The following SPSB1 variants were observed in gnomAD, a reference collection of about 807,000 sequenced individuals.
The protein encoded by SPSB1 is SPRY domain-containing SOCS box protein 1.
Under a neutral mutation model 21.2 loss-of-function variants are expected in SPSB1, and 8 were observed. The ratio of observed to expected loss-of-function variants is 0.38; its 90% CI spans 0.22 to 0.68. SPSB1 has a LOEUF of 0.68. Among genes scored for constraint, SPSB1 ranks in the 30% least tolerant of loss-of-function variants. SPSB1 has a pLI of 0.53. For missense variants in SPSB1, 242 were observed against 377.8 expected, an observed-to-expected ratio of 0.64 and a Z score of 2.98; for synonymous variants, 169 against 161.7, an observed-to-expected ratio of 1.05 and a Z score of -0.34.
intron 1 of SPSB1, among the ~76,000 whole-genome samples, chr1:9,352,467 G>A (rs545762018): frequency 2.6e-5 from 4 of 152,174 alleles, no homozygotes; most frequent in Non-Finnish European, 4.4e-5. Flanking sequence ...TCAGCCACGC[G>A]CGTTTATTTA....
In SPSB1 at chr1:9,349,473, C is replaced by T. The variant is rs564567824; in HGVS notation, c.-149-6270C>T. 3.3e-5 allele frequency among the ~76,000 whole-genome samples: 5 copies of T among 152,348 alleles called. No homozygotes were observed. The East Asian group carries it at 7.7e-4, about 24-fold the overall frequency. On this transcript the variant is annotated intron_variant, in intron 1 of 2. Transcript: ENST00000328089. ...GAGCTCAACCAGAGAGGCCAAGGGA[C>T]GTGGAGCGTGAGAGGCTGAGGCCTT...
rs535797792 is a variant in SPSB1, at chr1:9,346,608, T to C, written c.-149-9135T>C. Among the ~76,000 whole-genome samples the C allele has an allele frequency of 1.8e-4, 28 of 152,354 alleles. No individual in the cohort carries two copies. Among genetic ancestry groups the C allele is most frequent in the South Asian group, 1.0e-3 (5 of 4,826 alleles). ...GGGGTCTGCAGGGTTGTGGCTTTAA[T>C]TGAAACACCATCGGGGGGTTGCCGG... On this transcript the variant is annotated intron_variant, in intron 1 of 2. Transcript: ENST00000328089. The surrounding 1 kb of genome is among the most constrained non-coding windows in gnomAD (Gnocchi z 4.4).
At position 9,336,609 on chromosome 1, in the gene SPSB1, AAG is replaced by A. The variant is rs567205096; in HGVS notation, c.-149-19131_-149-19130del. 3.4e-3 allele frequency among the ~76,000 whole-genome samples: 513 copies of A among 152,272 alleles called. 1 individual carries two copies. Among genetic ancestry groups the A allele is most frequent in the Middle Eastern group, 0.017 (5 of 294 alleles). ...ATCCTCTGCCCGCGTGCGTTCAAGG[AAG>A]AGTCTGGGGCAGAGGCAGGGGCAGG... is the stretch of plus-strand genomic sequence containing the variant. On this transcript the variant is annotated intron_variant, in intron 1 of 2. Transcript: ENST00000328089.
chr1:9,347,296 T>C (rs1640179597), intron 1 of SPSB1, among the ~76,000 whole-genome samples: 1 of 152,260 alleles, frequency 6.6e-6, no homozygotes, highest in Non-Finnish European at 1.5e-5. Flanking sequence ...GTGCAGAACC[T>C]GTAGGAATTG....
At chr1:9,357,386 T>C (rs926320795) in intron 2 of SPSB1, among the ~76,000 whole-genome samples, 1 of 152,168 alleles carries the variant, frequency 6.6e-6, no homozygotes, top group Non-Finnish European at 1.5e-5. Flanking sequence ...AATTAATAAG[T>C]AGGTGGTCTT....
At chr1:9,312,727 G>C (rs950333542) in intron 1 of SPSB1, among the ~76,000 whole-genome samples, 1 of 152,074 alleles carries the variant, frequency 6.6e-6, no homozygotes, top group African/African-American at 2.4e-5. Flanking sequence ...CGTGGTTTTG[G>C]TTTTCTTTGG....
At position 9,293,045 on chromosome 1, in the gene SPSB1, AGCG is replaced by A. The variant is rs1415976165; in HGVS notation, c.-164_-162del. 2 of 978,772 alleles carry A rather than the reference AGCG, an allele frequency of 2.0e-6. No homozygotes were observed. The highest frequency in any genetic ancestry group is 1.2e-6 in the Non-Finnish European group (1 of 826,234). The allele number at this position is 978,772 out of a possible 1,614,324, so 60.6% of individuals were successfully genotyped here. ...CCGAGCCTCCTCGGCCTTGGAGAGC[AGCG>A]GCGGCGGCGGCACCCCGGGCGCGGT... is the stretch of plus-strand genomic sequence containing the variant. On this transcript the variant is annotated 5_prime_UTR_variant, in exon 1 of 3. Transcript: ENST00000328089. The surrounding 1 kb of genome is among the most constrained non-coding windows in gnomAD (Gnocchi z 5.1).
Position 9,369,241 on chromosome 1 carries a change from A to C in SPSB1, c.*1666A>C, listed in dbSNP as rs1640624506. 6.6e-6 allele frequency: 1 copy of C among 151,622 alleles called. No individual in the cohort carries two copies. The highest frequency in any genetic ancestry group is 1.5e-5 in the Non-Finnish European group (1 of 67,892). 9.4% of individuals were successfully genotyped at this position (151,622 alleles called of 1,614,324 possible). On this transcript the variant is annotated 3_prime_UTR_variant, in exon 3 of 3. Transcript: ENST00000328089. ...CGGGGCAGGGGACCTTACCTGTAAG[A>C]CTTTTAAAGATTTTCCTCCCTCCTG...
intron 1 of SPSB1, among the ~76,000 whole-genome samples, chr1:9,310,662 T>C (rs1639501709): frequency 6.6e-6 from 1 of 151,546 alleles, no homozygotes; most frequent in Non-Finnish European, 1.5e-5. Flanking sequence ...ACCACTGCAC[T>C]ACAGCCTGGG....
At chr1:9,357,213 G>GTGAA (rs200739926) in intron 2 of SPSB1, among the ~76,000 whole-genome samples, 1 of 137,374 alleles carries the variant, frequency 7.3e-6, no homozygotes, top group African/African-American at 2.7e-5. Context: ...GGATGGATCA[G>GTGAA]TGAATGAATG....
chr1:9,301,061 G>C (rs1639320016), intron 1 of SPSB1, among the ~76,000 whole-genome samples: 1 of 152,246 alleles, frequency 6.6e-6, no homozygotes, highest in African/African-American at 2.4e-5. Flanking sequence ...AGTGCACCTG[G>C]TTGTGCACCT....
At position 9,321,640 on chromosome 1, in the gene SPSB1, G is replaced by C. The variant is rs1010303257; in HGVS notation, c.-150+28569G>C. On this transcript the variant is annotated intron_variant, in intron 1 of 2. Coordinates refer to ENST00000328089, the MANE Select transcript of SPSB1 (RefSeq NM_025106.4). This position sits in a 1 kb window ranked among gnomAD's most constrained non-coding sequence, Gnocchi z 4.8. ...TCATCACATCTGAGACCCGTCGACC[G>C]TGAGCTTCACCTTTAAATAAAAAAA... is the stretch of plus-strand genomic sequence containing the variant. 6.6e-6 allele frequency among the ~76,000 whole-genome samples: 1 copy of C among 152,026 alleles called. No homozygotes were observed. Among genetic ancestry groups the C allele is most frequent in the Non-Finnish European group, 1.5e-5 (1 of 68,018 alleles).
chr1:9,360,558 G>A (rs1393879866), intron 2 of SPSB1, among the ~76,000 whole-genome samples: 3 of 152,156 alleles, frequency 2.0e-5, no homozygotes, highest in Non-Finnish European at 4.4e-5. Context: ...CTCTGAGGGG[G>A]AGCCCGCCCC....
Position 9,336,810 on chromosome 1 carries a change from G to T in SPSB1, c.-149-18933G>T, listed in dbSNP as rs118161917. Among the ~76,000 whole-genome samples the T allele has an allele frequency of 5.3e-4, 80 of 152,346 alleles. No individual in the cohort carries two copies. The East Asian group carries it at 0.014, about 27-fold the overall frequency. ...ATGAAACTGCACTGCTCCCTGGAAAGAGGGGGACACTAGCCCTCCATCTCC... is the reference window on the plus strand; with the variant it reads ...ATGAAACTGCACTGCTCCCTGGAAATAGGGGGACACTAGCCCTCCATCTCC... On this transcript the variant is annotated intron_variant, in intron 1 of 2. Transcript: ENST00000328089.
In SPSB1 at chr1:9,346,395, A is replaced by G. The variant is rs1309019964; in HGVS notation, c.-149-9348A>G. Among the ~76,000 whole-genome samples the G allele has an allele frequency of 1.3e-5, 2 of 152,076 alleles. No homozygotes were observed. Among genetic ancestry groups the G allele is most frequent in the Non-Finnish European group, 2.9e-5 (2 of 68,022 alleles). On this transcript the variant is annotated intron_variant, in intron 1 of 2. Coordinates refer to ENST00000328089, the MANE Select transcript of SPSB1 (RefSeq NM_025106.4). The surrounding 1 kb of genome is among the most constrained non-coding windows in gnomAD (Gnocchi z 4.4). Reference sequence around the variant, plus strand: ...AGTGTCTGCCACTCGCTGGTGACAGACCCACCTCTGTGCATCCTTTACCTG... The same window carrying G: ...AGTGTCTGCCACTCGCTGGTGACAGGCCCACCTCTGTGCATCCTTTACCTG...
chr1:9,315,275 C>G (rs190618576), intron 1 of SPSB1, among the ~76,000 whole-genome samples: 1 of 152,246 alleles, frequency 6.6e-6, no homozygotes, highest in Non-Finnish European at 1.5e-5. Context: ...CAAAAGACCC[C>G]GTACTGGCTC....
intron 1 of SPSB1, among the ~76,000 whole-genome samples, chr1:9,311,179 A>G (rs1295962890): frequency 7.3e-6 from 1 of 136,598 alleles, no homozygotes; most frequent in East Asian, 2.1e-4. Flanking sequence ...TTTTTTTTTT[A>G]ATGCCTTCAT....
chr1:9,336,806 G>C (rs1208794877), intron 1 of SPSB1, among the ~76,000 whole-genome samples: 1 of 152,182 alleles, frequency 6.6e-6, no homozygotes, highest in Non-Finnish European at 1.5e-5. Context: ...CTGCTCCCTG[G>C]AAAGAGGGGG....
chr1:9,351,909 G>C (rs1486786292), intron 1 of SPSB1, among the ~76,000 whole-genome samples: 3 of 152,266 alleles, frequency 2.0e-5, no homozygotes, highest in Admixed American at 6.5e-5. Context: ...GCTAGGCCCT[G>C]GGGTGCCCTT....
Sources: allele counts gnomAD v4.1 joint callset (sites outside exome capture counted in the v4.1 genomes callset), GRCh38; gene constraint gnomAD v4.1.1; non-coding constraint Gnocchi (gnomAD v3.1); transcripts MANE v1.5; gene names NCBI Gene and HGNC (gene_info 2026-07-23, HGNC 2026-07-21).